Variants in TARS3 observed in about 807,000 individuals in gnomAD.
The protein encoded by TARS3 is threonyl-tRNA synthetase 3.
TARS3 carries 94 observed loss-of-function variants against 103.5 expected under a neutral mutation model. That is an observed-to-expected ratio of 0.91 (90% CI 0.77 to 1.08). The LOEUF (loss-of-function observed/expected upper bound fraction) is 1.08, where lower values mean the gene tolerates loss of function less well. Ranked by LOEUF, TARS3 falls within the 50% of genes least tolerant of loss-of-function variation. TARS3 has a pLI of 0.00. For missense variants in TARS3, 952 were observed against 995.2 expected (o/e 0.96, Z 0.58); for synonymous variants, 416 against 355.4 (o/e 1.17, Z -1.92).
At chr15:101,707,400 C>G (rs755174316) in intron 6 of TARS3, among the ~76,000 whole-genome samples, 1 of 152,164 alleles carries the variant, frequency 6.6e-6, no homozygotes. Flanking sequence ...TTCACAGCAG[C>G]GCTGTTCACA....
intron 12 of TARS3, 63 bp from the exon 13 acceptor site, chr15:101,675,800 AC>A: frequency 1.3e-6 from 2 of 1,510,492 alleles, no homozygotes; most frequent in South Asian, 2.4e-5. Flanking sequence ...TTTAAAAAAT[AC>A]AATTCTTCAT....
At chr15:101,710,830 T>G in intron 5 of TARS3, among the ~76,000 whole-genome samples, 1 of 149,550 alleles carries the variant, frequency 6.7e-6, no homozygotes, top group African/African-American at 2.5e-5. Context: ...GAGAGGGGGG[T>G]GGGAGAACTA....
intron 16 of TARS3, among the ~76,000 whole-genome samples, chr15:101,660,300 G>A (rs370399170): frequency 2.0e-5 from 3 of 152,168 alleles, no homozygotes; most frequent in African/African-American, 2.4e-5. Context: ...GGTGGTTGCT[G>A]GTTTGCAGCA....
chr15:101,659,577 T>G (rs571285308), intron 16 of TARS3, among the ~76,000 whole-genome samples: 1 of 152,328 alleles, frequency 6.6e-6, no homozygotes, highest in African/African-American at 2.4e-5. Context: ...CTCAGTGCAC[T>G]GGCCCCAACC....
chr15:101,722,226 T>G (rs879283035), intron 2 of TARS3, among the ~76,000 whole-genome samples: 37 of 151,550 alleles, frequency 2.4e-4, no homozygotes, highest in Non-Finnish European at 5.0e-4. Context: ...CCTTTTTTTT[T>G]TTTTTTTCCT....
intron 13 of TARS3, 34 bp from the exon 14 acceptor site, chr15:101,671,782 C>T (rs1897816639): frequency 6.4e-7 from 1 of 1,558,166 alleles, no homozygotes; most frequent in Non-Finnish European, 8.8e-7. Flanking sequence ...TACAATTATA[C>T]ACTGTATCTT....
At chr15:101,694,298 C>T in intron 10 of TARS3, among the ~76,000 whole-genome samples, 1 of 152,220 alleles carries the variant, frequency 6.6e-6, no homozygotes, top group East Asian at 1.9e-4. Flanking sequence ...CTCCTACATC[C>T]CTTCCACAGA....
At chr15:101,678,189 A>AG (rs1248930370) in intron 12 of TARS3, among the ~76,000 whole-genome samples, 1 of 151,216 alleles carries the variant, frequency 6.6e-6, no homozygotes, top group African/African-American at 2.4e-5. Flanking sequence ...CATGTTGGTC[A>AG]GGCTGGTCTT....
intron 15 of TARS3, among the ~76,000 whole-genome samples, chr15:101,665,043 G>A (rs1334405370): frequency 6.6e-6 from 1 of 152,180 alleles, no homozygotes; most frequent in East Asian, 1.9e-4. Flanking sequence ...TAAATAGAAT[G>A]TATCCAATCT....
chr15:101,702,224 A>C lies in TARS3; in HGVS notation c.1221+15T>G. 1.2e-6 allele frequency: 2 copies of C among 1,613,802 alleles called. No individual in the cohort carries two copies. Among genetic ancestry groups the C allele is most frequent in the Non-Finnish European group, 1.7e-6 (2 of 1,179,820 alleles). ...CTTATGATTACATCTCCAGTGATTA[A>C]GATGTGGGGCATACCTTCCCGATCT... On this transcript the variant is annotated intron_variant, in intron 9 of 18. Transcript: ENST00000335968.
intron 10 of TARS3, among the ~76,000 whole-genome samples, chr15:101,692,801 A>G (rs1219195323): frequency 6.6e-6 from 1 of 152,168 alleles, no homozygotes; most frequent in African/African-American, 2.4e-5. Flanking sequence ...TTCCTTCACT[A>G]GACTCTCTTC....
intron 18 of TARS3, among the ~76,000 whole-genome samples, chr15:101,655,597 C>T (rs1313375249): frequency 7.6e-6 from 1 of 131,410 alleles, no homozygotes; most frequent in Non-Finnish European, 1.6e-5. Flanking sequence ...CAAATGAGAG[C>T]GGGGAGCTCT....
At chr15:101,711,796 TAC>T in intron 5 of TARS3, 82 bp downstream of exon 5, 4 of 1,509,394 alleles carry the variant, frequency 2.7e-6, no homozygotes, top group Non-Finnish European at 3.6e-6. Flanking sequence ...GCCAGCAGTA[TAC>T]AGTTACTAGG....
intron 11 of TARS3, among the ~76,000 whole-genome samples, chr15:101,684,971 C>G (rs561611403): frequency 6.6e-6 from 1 of 152,226 alleles, no homozygotes; most frequent in African/African-American, 2.4e-5. Context: ...TTTTACAATG[C>G]AAAACACTAG....
At chr15:101,715,065 A>G in intron 3 of TARS3, 102 bp from the exon 4 acceptor site, 1 of 1,161,912 alleles carries the variant, frequency 8.6e-7, no homozygotes. Flanking sequence ...TGAAGTGTAT[A>G]AAAAGTACAA....
chr15:101,705,831 A>G (rs1899531424), intron 6 of TARS3, 84 bp from the exon 7 acceptor site: 1 of 1,147,998 alleles, frequency 8.7e-7, no homozygotes, highest in Non-Finnish European at 1.3e-6. Context: ...AGAAACATTG[A>G]AAGGTCATCT....
chr15:101,715,027 T>C (rs1900069652), intron 3 of TARS3, 64 bp from the exon 4 acceptor site: 1 of 1,453,170 alleles, frequency 6.9e-7, no homozygotes, highest in Non-Finnish European at 9.2e-7. Flanking sequence ...CTTAAAATAT[T>C]AAAAGAATTT....
rs1371323540 is a variant in TARS3, at chr15:101,653,630, C to G, written c.*952G>C. 6.6e-6 allele frequency: 1 copy of G among 152,268 alleles called. No homozygotes were observed. Among genetic ancestry groups the G allele is most frequent in the Non-Finnish European group, 1.5e-5 (1 of 68,048 alleles). The allele number at this position is 152,268 out of a possible 1,614,324, so 9.4% of individuals were successfully genotyped here. A position where few individuals can be genotyped will look rare whatever the true frequency, so the allele number is the denominator to read the frequency against. ...ATATTGTTTTGTTTGCCAACTGTTTCACTGTTCACATCCCTCAGGAAGTTA... is the reference window on the plus strand; with the variant it reads ...ATATTGTTTTGTTTGCCAACTGTTTGACTGTTCACATCCCTCAGGAAGTTA... On this transcript the variant is annotated 3_prime_UTR_variant, in exon 19 of 19. Transcript: ENST00000335968.
In TARS3 at chr15:101,703,871, G is replaced by T. The variant is rs780451121; in HGVS notation, c.1062C>A (p.Ile354=). 1 of 1,611,420 alleles carries T rather than the reference G, an allele frequency of 6.2e-7. No homozygotes were observed. The highest frequency in any genetic ancestry group is 8.5e-7 in the Non-Finnish European group (1 of 1,178,330). The part of the protein sequence containing the change: ...HVRHTGKIKT[I]KIFKNSSTYW... ...AATCAATCCTTACCTTAAAAATTTT[G>T]ATGGTTTTAATTTTTCCAGTGTGTC... The change falls in exon 8 of 19, where the codon ATC becomes ATA. Residue 354 remains isoleucine, a synonymous_variant. Coordinates refer to ENST00000335968, the MANE Select transcript of TARS3 (RefSeq NM_152334.3).
Sources: gnomAD v4.1 joint callset for allele counts (sites outside exome capture counted in the v4.1 genomes callset) on GRCh38, gnomAD v4.1.1 for gene constraint, MANE v1.5 for transcripts, NCBI Gene and HGNC (gene_info 2026-07-23, HGNC 2026-07-21) for gene names.